CCDC102B: variants seen among roughly 807,000 people sequenced by gnomAD.
CCDC102B encodes coiled-coil domain containing 102B, also known as coiled-coil domain-containing protein 102B.
CCDC102B carries 75 observed loss-of-function variants against 57.4 expected under a neutral mutation model. That is an observed-to-expected ratio of 1.31 (90% CI 1.08 to 1.58). The LOEUF (loss-of-function observed/expected upper bound fraction) is 1.58, where lower values mean the gene tolerates loss of function less well. Ranked by LOEUF, CCDC102B falls within the 40% of genes most tolerant of loss-of-function variation. CCDC102B has a pLI of 0.00. For missense variants in CCDC102B, 636 were observed against 582.6 expected, an observed-to-expected ratio of 1.09 and a Z score of -0.94; for synonymous variants, 206 against 201.9, an observed-to-expected ratio of 1.02 and a Z score of -0.17.
At chr18:69,030,039 A>G (rs1348276874) in intron 7 of CCDC102B, among the ~76,000 whole-genome samples, 1 of 151,760 alleles carries the variant, frequency 6.6e-6, no homozygotes, top group Non-Finnish European at 1.5e-5. Context: ...TCTGTTTATT[A>G]TTTAGTGGAA....
intron 5 of CCDC102B, among the ~76,000 whole-genome samples, chr18:68,878,540 G>A (rs955830044): frequency 2.5e-4 from 38 of 152,016 alleles, no homozygotes; most frequent in Admixed American, 1.4e-3. Flanking sequence ...AGTTATGAGG[G>A]CAATTAGAAT....
intron 1 of CCDC102B, among the ~76,000 whole-genome samples, chr18:68,803,608 G>T (rs2035930462): frequency 1.3e-5 from 2 of 152,196 alleles, no homozygotes; most frequent in Admixed American, 6.5e-5. Flanking sequence ...GCCGGCAGCT[G>T]CTGGGAATGA....
chr18:69,052,218 T>A (rs1409064097), intron 7 of CCDC102B, among the ~76,000 whole-genome samples: 4 of 151,914 alleles, frequency 2.6e-5, no homozygotes, highest in African/African-American at 7.2e-5. Context: ...GAGAAAAATG[T>A]TAATCTAATA....
intron 2 of CCDC102B, among the ~76,000 whole-genome samples, chr18:68,726,339 A>G (rs2032593459): frequency 6.6e-6 from 1 of 152,186 alleles, no homozygotes; most frequent in East Asian, 1.9e-4. Context: ...ATGCTAACTA[A>G]CATATGCCTA....
chr18:68,889,583 C>A (rs1229291240), intron 5 of CCDC102B, among the ~76,000 whole-genome samples: 2 of 151,884 alleles, frequency 1.3e-5, no homozygotes, highest in Admixed American at 6.6e-5. Context: ...CCACACCCGG[C>A]TAATTTTTGT....
chr18:68,840,191 T>C (rs1410520593), intron 3 of CCDC102B, among the ~76,000 whole-genome samples: 1 of 152,174 alleles, frequency 6.6e-6, no homozygotes, highest in East Asian at 1.9e-4. Flanking sequence ...CTCTTAGTTA[T>C]AAAAATCTTA....
At chr18:68,779,708 A>T (rs759397225) in intron 2 of CCDC102B, among the ~76,000 whole-genome samples, 50 of 152,096 alleles carry the variant, frequency 3.3e-4, no homozygotes, top group Non-Finnish European at 6.3e-4. Context: ...AAAATCTAAA[A>T]AATATAGGTG....
intron 2 of CCDC102B, among the ~76,000 whole-genome samples, chr18:68,765,332 A>AGAAAGAAAGAAG (rs2034411739): frequency 1.1e-5 from 1 of 91,512 alleles, no homozygotes; most frequent in African/African-American, 3.7e-5. Context: ...AAGGAAAGAA[A>AGAAAGAAAGAAG]GAAAGAAAGA....
chr18:68,776,380 C>T (rs939812495), intron 2 of CCDC102B, among the ~76,000 whole-genome samples: 5 of 152,144 alleles, frequency 3.3e-5, no homozygotes, highest in Admixed American at 3.3e-4. Context: ...TTCCTTGTAG[C>T]ACTCTTCACA....
At chr18:68,771,747 GA>G (rs2034645046) in intron 2 of CCDC102B, among the ~76,000 whole-genome samples, 1 of 152,028 alleles carries the variant, frequency 6.6e-6, no homozygotes. Context: ...CTTGAATTGG[GA>G]AAAATAAGAG....
chr18:68,738,256 C>T (rs1333043859), intron 2 of CCDC102B, among the ~76,000 whole-genome samples: 3 of 151,996 alleles, frequency 2.0e-5, no homozygotes, highest in Non-Finnish European at 4.4e-5. Flanking sequence ...TATGCAGGAT[C>T]CTATGTGAGC....
At chr18:68,923,669 G>C (rs1405749447) in intron 6 of CCDC102B, among the ~76,000 whole-genome samples, 3 of 152,048 alleles carry the variant, frequency 2.0e-5, no homozygotes, top group Non-Finnish European at 4.4e-5. Flanking sequence ...AGCATTGTTT[G>C]AATATTGCCT....
intron 6 of CCDC102B, among the ~76,000 whole-genome samples, chr18:68,929,718 T>C (rs1275246622): frequency 6.6e-6 from 1 of 151,886 alleles, no homozygotes; most frequent in Non-Finnish European, 1.5e-5. Flanking sequence ...GGTAATTTGG[T>C]AACATTTTCT....
intron 6 of CCDC102B, among the ~76,000 whole-genome samples, chr18:68,947,367 C>A (rs1300776602): frequency 6.6e-6 from 1 of 151,966 alleles, no homozygotes; most frequent in Non-Finnish European, 1.5e-5. Flanking sequence ...GCAATATTCC[C>A]AGTACTTACA....
intron 7 of CCDC102B, among the ~76,000 whole-genome samples, chr18:69,026,255 C>G (rs747623997): frequency 6.6e-6 from 1 of 152,046 alleles, no homozygotes; most frequent in East Asian, 1.9e-4. Flanking sequence ...CACCTGAGGT[C>G]AGGAGTTCGA....
intron 6 of CCDC102B, among the ~76,000 whole-genome samples, chr18:68,907,046 A>AT (rs1205952601): frequency 2.0e-5 from 3 of 152,134 alleles, no homozygotes; most frequent in African/African-American, 7.2e-5. Context: ...TGACTGCAAC[A>AT]TTTTTTGAAG....
At chr18:68,951,653 T>TA (rs1308662234) in intron 6 of CCDC102B, among the ~76,000 whole-genome samples, 2 of 151,682 alleles carry the variant, frequency 1.3e-5, no homozygotes, top group African/African-American at 4.8e-5. Context: ...ACTAAAAATA[T>TA]AAAAATTAGC....
upstream of CCDC102B, among the ~76,000 whole-genome samples, chr18:68,793,848 C>A (rs1370973401): frequency 6.6e-6 from 1 of 152,032 alleles, no homozygotes; most frequent in Non-Finnish European, 1.5e-5. Context: ...TTAGCTGTAG[C>A]GTTAACTTTT....
chr18:68,949,833 C>T lies in CCDC102B; in HGVS notation c.1263+52405C>T, dbSNP rs954335198. ...GTTCCTTTCTAGCTACTGCATGTCC[C>T]AGACAGCACCCATTATGAAATTGTG... On this transcript the variant is annotated intron_variant, in intron 6 of 7. Coordinates refer to ENST00000360242, the MANE Select transcript of CCDC102B (RefSeq NM_024781.3). Among the ~76,000 whole-genome samples, 6 of 152,060 alleles carry T rather than the reference C, an allele frequency of 3.9e-5. No individual in the cohort carries two copies. The East Asian group carries it at 7.7e-4, about 20-fold the overall frequency.
Sources: gnomAD v4.1 joint callset for allele counts (sites outside exome capture counted in the v4.1 genomes callset) on GRCh38, gnomAD v4.1.1 for gene constraint, MANE v1.5 for transcripts, NCBI Gene and HGNC (gene_info 2026-07-23, HGNC 2026-07-21) for gene names.